The following TYW1B variants were observed in gnomAD, a reference collection of about 807,000 sequenced individuals.
TYW1B encodes S-adenosyl-L-methionine-dependent tRNA 4-demethylwyosine synthase TYW1B.
In TYW1B, 73 loss-of-function variants were observed where a neutral mutation model predicts 86.9. That is an observed-to-expected ratio of 0.84 (90% CI 0.70 to 1.02). The LOEUF is 1.02. TYW1B is among the 50% of genes least tolerant of loss of function. TYW1B has a pLI of 0.00. For synonymous variants in TYW1B, 248 were observed against 292.8 expected, an observed-to-expected ratio of 0.85 and a Z score of 1.56; for missense variants, 637 against 827.4, an observed-to-expected ratio of 0.77 and a Z score of 2.82.
chr7:72,807,057 G>A lies in TYW1B; in HGVS notation c.723+9C>T, dbSNP rs781902236. The A allele has an allele frequency of 6.2e-7, 1 of 1,611,856 alleles. No homozygotes were observed. The highest frequency in any genetic ancestry group is 8.5e-7 in the Non-Finnish European group (1 of 1,178,328). ...AAAGCATCAAGAGATGAACACACAG[G>A]CGGTATACCTTGGTGTCTCTGTGAT... is the stretch of plus-strand genomic sequence containing the variant. On this transcript the variant is annotated intron_variant, in intron 5 of 13. Transcript: ENST00000620995.
intron 12 of TYW1B, 76 bp from the exon 13 acceptor site, chr7:72,616,915 G>A (rs2844096): frequency 2.5e-6 from 4 of 1,581,262 alleles, no homozygotes; most frequent in African/African-American, 2.7e-5. Context: ...GAGCCGGAAA[G>A]CCTTCTTGAG....
At chr7:72,576,562 G>A (rs1811026850) in intron 13 of TYW1B, among the ~76,000 whole-genome samples, 1 of 149,778 alleles carries the variant, frequency 6.7e-6, no homozygotes, top group Non-Finnish European at 1.5e-5. Context: ...GCCCAGGCTG[G>A]AGTGTAGTGG....
intron 11 of TYW1B, among the ~76,000 whole-genome samples, chr7:72,690,968 G>T (rs1408996102): frequency 2.0e-5 from 3 of 152,108 alleles, no homozygotes; most frequent in African/African-American, 7.2e-5. Context: ...GGCCGGGCTG[G>T]TCTTCAACTC....
chr7:72,634,025 A>G (rs1217251310), intron 11 of TYW1B, among the ~76,000 whole-genome samples: 1 of 152,142 alleles, frequency 6.6e-6, no homozygotes, highest in Non-Finnish European at 1.5e-5. Flanking sequence ...AGTAGAGTGC[A>G]TGGTACTTAT....
chr7:72,759,924 G>A (rs1433911610), intron 7 of TYW1B, among the ~76,000 whole-genome samples: 1 of 152,132 alleles, frequency 6.6e-6, no homozygotes, highest in South Asian at 2.1e-4. Flanking sequence ...CTAGATAGAT[G>A]TTTATAATGC....
At chr7:72,596,112 G>GT (rs1235192214) in intron 13 of TYW1B, among the ~76,000 whole-genome samples, 5 of 146,280 alleles carry the variant, frequency 3.4e-5, no homozygotes, top group African/African-American at 1.3e-4. Context: ...GGAGGCAGAG[G>GT]TTGCAGTGAG....
At chr7:72,732,215 A>T (rs1331830870) in intron 8 of TYW1B, among the ~76,000 whole-genome samples, 1 of 152,206 alleles carries the variant, frequency 6.6e-6, no homozygotes, top group Non-Finnish European at 1.5e-5. Context: ...CTCTCTCAGA[A>T]TTGGACAGAT....
intron 7 of TYW1B, among the ~76,000 whole-genome samples, chr7:72,755,051 G>A (rs782280278): frequency 1.3e-5 from 2 of 152,088 alleles, no homozygotes; most frequent in Non-Finnish European, 2.9e-5. Flanking sequence ...CTTGGGATAT[G>A]CAAAGTATTA....
chr7:72,714,706 T>G (rs1585923988), intron 9 of TYW1B, among the ~76,000 whole-genome samples: 1 of 152,084 alleles, frequency 6.6e-6, no homozygotes, highest in Non-Finnish European at 1.5e-5. Flanking sequence ...TCACTTGAGG[T>G]CAGGAGTTCA....
intron 6 of TYW1B, among the ~76,000 whole-genome samples, chr7:72,800,582 C>G (rs1214032989): frequency 6.6e-6 from 1 of 151,614 alleles, no homozygotes; most frequent in African/African-American, 2.4e-5. Flanking sequence ...CCTACATATT[C>G]TTAGAATTTT....
intron 9 of TYW1B, among the ~76,000 whole-genome samples, chr7:72,716,776 C>T (rs1585925697): frequency 6.6e-6 from 1 of 150,954 alleles, no homozygotes; most frequent in Admixed American, 6.6e-5. Context: ...GTATCTGGGA[C>T]TACAGGCACA....
intron 8 of TYW1B, among the ~76,000 whole-genome samples, chr7:72,733,679 AAAAAG>A (rs1399699781): frequency 6.6e-6 from 1 of 152,154 alleles, no homozygotes; most frequent in Non-Finnish European, 1.5e-5. Context: ...AAGAAAGAAA[AAAAAG>A]AAAATTGCAT....
intron 10 of TYW1B, among the ~76,000 whole-genome samples, chr7:72,703,018 ATATATATAT>A (rs1463889142): frequency 0.2 from 2,842 of 14,316 alleles, 131 homozygotes; most frequent in Non-Finnish European, 0.22. Flanking sequence ...ATATATATAT[ATATATATAT>A]TTTTTTTTTT....
rs140644170 is a variant in TYW1B at position 72,708,047 on chromosome 7, A to C, written c.1370+5574T>G. Among the ~76,000 whole-genome samples, 517 of 152,284 alleles carry C rather than the reference A, an allele frequency of 3.4e-3. 2 individuals carry two copies. Among genetic ancestry groups the C allele is most frequent in the African/African-American group, 0.012 (488 of 41,578 alleles). ...GCCTCCCCTGCCGTGCTTCCTCTACAACCTGCAGAACTCTGACCCAATTAA... is the reference window on the plus strand; with the variant it reads ...GCCTCCCCTGCCGTGCTTCCTCTACCACCTGCAGAACTCTGACCCAATTAA... On this transcript the variant is annotated intron_variant, in intron 10 of 13. Coordinates refer to ENST00000620995, the MANE Select transcript of TYW1B (RefSeq NM_001145440.3).
At chr7:72,755,866 C>T (rs1362910638) in intron 7 of TYW1B, among the ~76,000 whole-genome samples, 5 of 152,134 alleles carry the variant, frequency 3.3e-5, no homozygotes, top group Admixed American at 1.3e-4. Flanking sequence ...GGCCAAGAAT[C>T]GGGTTCTTTA....
chr7:72,653,196 CAA>C (rs1292005351), intron 11 of TYW1B, among the ~76,000 whole-genome samples: 1 of 151,806 alleles, frequency 6.6e-6, no homozygotes, highest in Non-Finnish European at 1.5e-5. Flanking sequence ...AAGAGAAAAC[CAA>C]AAGAGAATAA....
intron 10 of TYW1B, among the ~76,000 whole-genome samples, chr7:72,712,464 G>C (rs1489156851): frequency 1.3e-5 from 2 of 152,100 alleles, no homozygotes; most frequent in African/African-American, 4.8e-5. Flanking sequence ...GAGTAGCTGG[G>C]ATTACAGGCA....
intron 5 of TYW1B, among the ~76,000 whole-genome samples, chr7:72,804,002 A>C (rs782494081): frequency 6.6e-6 from 1 of 151,948 alleles, no homozygotes; most frequent in Non-Finnish European, 1.5e-5. Context: ...TAAAAGAAAC[A>C]GGCTGGACAC....
intron 11 of TYW1B, among the ~76,000 whole-genome samples, chr7:72,684,370 A>G (rs1285999442): frequency 6.6e-5 from 10 of 152,166 alleles, no homozygotes; most frequent in Admixed American, 6.6e-4. Flanking sequence ...AAAGGAAAGA[A>G]TGATTTCAAC....
Sources: gnomAD v4.1 joint callset for allele counts (sites outside exome capture counted in the v4.1 genomes callset) on GRCh38, gnomAD v4.1.1 for gene constraint, MANE v1.5 for transcripts, NCBI Gene and HGNC (gene_info 2026-07-23, HGNC 2026-07-21) for gene names.